Variants in RMDN1 observed in about 807,000 individuals in gnomAD.
The protein encoded by RMDN1 is regulator of microtubule dynamics protein 1.
RMDN1 carries 48 observed loss-of-function variants against 48.9 expected under a neutral mutation model. The ratio of observed to expected loss-of-function variants is 0.98; its 90% CI spans 0.78 to 1.25. RMDN1 has a LOEUF of 1.25. Among genes scored for constraint, RMDN1 ranks in the 50% most tolerant of loss-of-function variants. The probability of loss-of-function intolerance (pLI) is 0.00; values close to 1 mark genes in which losing one functional copy is unlikely to be tolerated. For missense variants in RMDN1, 418 were observed against 373.4 expected, an observed-to-expected ratio of 1.12 and a Z score of -0.98; for synonymous variants, 148 against 132.6, an observed-to-expected ratio of 1.12 and a Z score of -0.80.
intron 2 of RMDN1, chr8:86,503,969 G>A: frequency 1.3e-6 from 1 of 767,646 alleles, no homozygotes; most frequent in Non-Finnish European, 2.4e-6. Context: ...GGCCTCTTCT[G>A]TGGACTGTGC....
intron 3 of RMDN1, among the ~76,000 whole-genome samples, chr8:86,487,369 CA>C (rs904489237): frequency 6.6e-6 from 1 of 152,116 alleles, no homozygotes; most frequent in Non-Finnish European, 1.5e-5. Context: ...TTTGGGAGGC[CA>C]AGGCGGGCAG....
At chr8:86,506,281 C>A (rs955774866) in intron 2 of RMDN1, among the ~76,000 whole-genome samples, 1 of 152,094 alleles carries the variant, frequency 6.6e-6, no homozygotes, top group African/African-American at 2.4e-5. Context: ...AAAGGAATTC[C>A]CCAAAGAATG....
intron 2 of RMDN1, among the ~76,000 whole-genome samples, chr8:86,501,353 C>A (rs564995734): frequency 6.6e-6 from 1 of 152,222 alleles, no homozygotes; most frequent in South Asian, 2.1e-4. Context: ...TACACTGAAA[C>A]TAAATGTGAT....
chr8:86,508,625 T>C lies in RMDN1; in HGVS notation c.-5A>G, dbSNP rs763580097. ...CAGTCGAGCAGCCAGCGCCATGACC[T>C]GCAACTTGCGGGCTGACCCTGCACT... is the stretch of plus-strand genomic sequence containing the variant. On this transcript the variant is annotated 5_prime_UTR_variant, in exon 1 of 10. Transcript: ENST00000406452. 4.4e-6 allele frequency: 7 copies of C among 1,597,990 alleles called. No homozygotes were observed. The African/African-American group carries it at 6.7e-5, about 15-fold the overall frequency.
At chr8:86,478,742 AAG>A in intron 7 of RMDN1, 179 bp downstream of exon 7, 1 of 585,206 alleles carries the variant, frequency 1.7e-6, no homozygotes. Context: ...AACGGGGAAA[AAG>A]AAAACCACTC....
At chr8:86,475,209 T>C (rs1316467577) in intron 8 of RMDN1, among the ~76,000 whole-genome samples, 1 of 152,200 alleles carries the variant, frequency 6.6e-6, no homozygotes, top group Non-Finnish European at 1.5e-5. Flanking sequence ...TGTAAGTAGG[T>C]ATCTCCATTT....
In RMDN1 at chr8:86,473,950, A is replaced by G; in HGVS notation, c.*358T>C. 1 of 1,013,734 alleles carries G rather than the reference A, an allele frequency of 9.9e-7. No homozygotes were observed. Among genetic ancestry groups the G allele is most frequent in the East Asian group, 9.6e-5 (1 of 10,450 alleles). The allele number at this position is 1,013,734 out of a possible 1,614,324, so 62.8% of individuals were successfully genotyped here. On this transcript the variant is annotated 3_prime_UTR_variant, in exon 10 of 10. Coordinates refer to ENST00000406452, the MANE Select transcript of RMDN1 (RefSeq NM_016033.3). Reference sequence around the variant, plus strand: ...TAGAATCAATCCAATTTGAAAATCCATCCCCCTGTATATCCCCTATAGATC... The same window carrying G: ...TAGAATCAATCCAATTTGAAAATCCGTCCCCCTGTATATCCCCTATAGATC...
chr8:86,503,759 C>T, intron 2 of RMDN1: 1 of 495,266 alleles, frequency 2.0e-6, no homozygotes, highest in Non-Finnish European at 4.0e-6. Context: ...GCTCACGTCC[C>T]TCTGGTCCTT....
chr8:86,498,585 C>G (rs1383697910), intron 2 of RMDN1, among the ~76,000 whole-genome samples: 1 of 151,998 alleles, frequency 6.6e-6, no homozygotes, highest in Non-Finnish European at 1.5e-5. Context: ...TTAAGACCAC[C>G]CTGAGCAACA....
chr8:86,504,414 GCTCT>G (rs1818927872), intron 2 of RMDN1: 1 of 1,560,272 alleles, frequency 6.4e-7, no homozygotes, highest in African/African-American at 1.4e-5. Flanking sequence ...TTGTGCTCCA[GCTCT>G]CTCGACAGCT....
chr8:86,511,814 CTCAA>C (rs1563677972), upstream of RMDN1, among the ~76,000 whole-genome samples: 7 of 121,338 alleles, frequency 5.8e-5, no homozygotes, highest in Non-Finnish European at 3.3e-5. Flanking sequence ...GAACCTGTCT[CTCAA>C]AAAAAAAAAA....
intron 2 of RMDN1, among the ~76,000 whole-genome samples, chr8:86,500,476 T>C (rs1158757792): frequency 6.6e-6 from 1 of 150,790 alleles, no homozygotes; most frequent in South Asian, 2.1e-4. Context: ...CAGAATGAGA[T>C]ACCATCTCAT....
downstream of RMDN1, chr8:86,470,077 T>C: frequency 1.9e-6 from 2 of 1,046,606 alleles, no homozygotes; most frequent in Non-Finnish European, 2.5e-6. Flanking sequence ...TGAGAGCTTT[T>C]AGGTTCTTAT....
chr8:86,474,717 C>T, intron 9 of RMDN1, 103 bp downstream of exon 9: 1 of 1,051,198 alleles, frequency 9.5e-7, no homozygotes, highest in Admixed American at 1.8e-5. Flanking sequence ...TTGTTTTCAA[C>T]AATATTATGC....
chr8:86,488,612 T>C lies in RMDN1; in HGVS notation c.275A>G (p.Tyr92Cys), dbSNP rs1194993240. 2.5e-6 allele frequency: 4 copies of C among 1,610,216 alleles called. 1 individual carries two copies. In the Admixed American group the frequency reaches 5.1e-5, roughly 20 times the overall value. ...KVEEILEQAD[Y>C]LYESGETEKL... ...TTCTGTTTCTCCGCTTTCATACAGG[T>C]AGTCTGCTTGTTCAAGTATTTCTTC... Residue 92 changes from tyrosine to cysteine, a missense_variant, in exon 3 of 10, where the codon TAC becomes TGC. Tyr to Cys is a radical substitution (Grantham distance 194). Transcript: ENST00000406452.
downstream of RMDN1, among the ~76,000 whole-genome samples, chr8:86,471,747 C>T (rs1406774731): frequency 6.6e-6 from 1 of 152,116 alleles, no homozygotes; most frequent in Non-Finnish European, 1.5e-5. Flanking sequence ...GAAAGTCAGG[C>T]AAAGATCTAA....
At chr8:86,470,401 A>T, downstream of RMDN1, 2 of 1,283,532 alleles carry the variant, frequency 1.6e-6, no homozygotes, top group Non-Finnish European at 2.0e-6. Flanking sequence ...ACACGTGGGG[A>T]ATCAGGCTCC....
downstream of RMDN1, chr8:86,468,433 TA>T (rs200863041): frequency 9.7e-4 from 398 of 410,394 alleles, no homozygotes; most frequent in Admixed American, 1.7e-3. Flanking sequence ...CCTAAAGAAT[TA>T]AAAAAAAAAT....
downstream of RMDN1, chr8:86,470,267 C>T (rs1812427980): frequency 7.8e-7 from 1 of 1,289,226 alleles, no homozygotes; most frequent in African/African-American, 1.5e-5. Context: ...CAGCAGTCAG[C>T]TCTGGAATCC....
Sources: allele counts gnomAD v4.1 joint callset (sites outside exome capture counted in the v4.1 genomes callset), GRCh38; gene constraint gnomAD v4.1.1; transcripts MANE v1.5; gene names NCBI Gene and HGNC (gene_info 2026-07-23, HGNC 2026-07-21).